PTPRN2: variants seen among roughly 807,000 people sequenced by gnomAD.
The protein encoded by PTPRN2 is protein tyrosine phosphatase receptor type N2.
Under a neutral mutation model 118.8 loss-of-function variants are expected in PTPRN2, and 74 were observed. That is an observed-to-expected ratio of 0.62 (90% CI 0.52 to 0.76). PTPRN2 has a LOEUF of 0.76. Ranked by LOEUF, PTPRN2 falls within the 30% of genes least tolerant of loss-of-function variation. The probability of loss-of-function intolerance (pLI) is 0.00; values close to 1 mark genes in which losing one functional copy is unlikely to be tolerated. For synonymous variants in PTPRN2, 641 were observed against 608.0 expected (o/e 1.05, Z -0.80); for missense variants, 1,481 against 1,394.4 (o/e 1.06, Z -0.99).
intron 3 of PTPRN2, among the ~76,000 whole-genome samples, chr7:158,244,788 TGTGA>T (rs1467432849): frequency 1.2e-4 from 18 of 151,346 alleles, no homozygotes; most frequent in East Asian, 3.9e-4. Context: ...GTGTGAGTTG[TGTGA>T]GTGTGAGTTG....
intron 1 of PTPRN2, among the ~76,000 whole-genome samples, chr7:158,518,964 G>A (rs1823775641): frequency 1.3e-5 from 2 of 152,114 alleles, no homozygotes; most frequent in Non-Finnish European, 2.9e-5. Flanking sequence ...CAGCCTGGGT[G>A]ACAAAGCAAA....
intron 11 of PTPRN2, among the ~76,000 whole-genome samples, chr7:157,940,036 G>T (rs986992772): frequency 1.3e-5 from 2 of 152,182 alleles, no homozygotes; most frequent in African/African-American, 4.8e-5. Context: ...GTGGAGGAAG[G>T]CGTCGCTGCA....
chr7:157,905,070 T>C (rs966624271), intron 11 of PTPRN2, among the ~76,000 whole-genome samples: 2 of 152,178 alleles, frequency 1.3e-5, no homozygotes, highest in Non-Finnish European at 2.9e-5. Flanking sequence ...TGACAGGTGC[T>C]GAGCTCTGAT....
chr7:158,315,700 G>T (rs535017782), intron 3 of PTPRN2, among the ~76,000 whole-genome samples: 3 of 152,218 alleles, frequency 2.0e-5, no homozygotes, highest in African/African-American at 7.2e-5. Context: ...TGGCTGGAGG[G>T]CCAGGGACTC....
chr7:157,614,014 A>C (rs1802580291), intron 15 of PTPRN2: 1 of 471,152 alleles, frequency 2.1e-6, no homozygotes, highest in African/African-American at 2.0e-5. Context: ...CTGGTGGAAG[A>C]CCACAAGCAA....
chr7:158,449,202 G>C (rs1369796164), intron 2 of PTPRN2, among the ~76,000 whole-genome samples: 2 of 152,206 alleles, frequency 1.3e-5, no homozygotes, highest in Non-Finnish European at 2.9e-5. Flanking sequence ...GTCATGCGTG[G>C]GGTAGGGATG....
intron 11 of PTPRN2, among the ~76,000 whole-genome samples, chr7:158,009,109 C>G (rs1209491703): frequency 6.6e-6 from 1 of 152,102 alleles, no homozygotes; most frequent in African/African-American, 2.4e-5. Context: ...GAACAGAGCC[C>G]CAGGAGGCCC....
rs1178784682 is a variant in PTPRN2 at position 157,813,564 on chromosome 7, C to T, written c.1788+85109G>A. On this transcript the variant is annotated intron_variant, in intron 12 of 22. Coordinates refer to ENST00000389418, the MANE Select transcript of PTPRN2 (RefSeq NM_002847.5). The surrounding 1 kb of genome is among the most constrained non-coding windows in gnomAD (Gnocchi z 4.7). ...TCGTATAAAAAAGAAAGTTCAAATG[C>T]GCAGAAGAAAGATCAGAGGACAAGA... is the stretch of plus-strand genomic sequence containing the variant. 1.3e-5 allele frequency among the ~76,000 whole-genome samples: 2 copies of T among 152,156 alleles called. No individual in the cohort carries two copies. The highest frequency in any genetic ancestry group is 2.4e-5 in the African/African-American group (1 of 41,406).
chr7:157,702,342 G>A (rs1338415392), intron 12 of PTPRN2, among the ~76,000 whole-genome samples: 2 of 151,772 alleles, frequency 1.3e-5, no homozygotes, highest in African/African-American at 4.8e-5. Flanking sequence ...AGCCCGGTCG[G>A]TGCTGGTGTA....
intron 3 of PTPRN2, among the ~76,000 whole-genome samples, chr7:158,280,028 C>T (rs1047339463): frequency 5.3e-5 from 8 of 151,578 alleles, no homozygotes; most frequent in South Asian, 2.1e-4. Context: ...CACAGAGCCC[C>T]GCGGCGGCCC....
chr7:157,770,969 T>C (rs916847968), intron 12 of PTPRN2, among the ~76,000 whole-genome samples: 2 of 152,046 alleles, frequency 1.3e-5, no homozygotes, highest in African/African-American at 4.8e-5. Flanking sequence ...GCTTGGCCGG[T>C]TGAGGCAGCA....
chr7:158,199,503 T>C (rs1463729700), intron 4 of PTPRN2, among the ~76,000 whole-genome samples: 1 of 152,210 alleles, frequency 6.6e-6, no homozygotes, highest in Non-Finnish European at 1.5e-5. Flanking sequence ...AAGACTTCAT[T>C]CTAATGTCGC....
At chr7:158,201,055 TG>T (rs199727757) in intron 4 of PTPRN2, among the ~76,000 whole-genome samples, 1 of 104,920 alleles carries the variant, frequency 9.5e-6, no homozygotes, top group African/African-American at 5.2e-5. Flanking sequence ...GAAAAAAAAG[TG>T]GTTTTTTTTT....
At chr7:158,446,504 G>C (rs140556528) in intron 2 of PTPRN2, among the ~76,000 whole-genome samples, 1 of 151,954 alleles carries the variant, frequency 6.6e-6, no homozygotes, top group East Asian at 2.0e-4. Context: ...AGACCCACCC[G>C]AGCCACAGCC....
Position 157,785,094 on chromosome 7 carries a change from T to C in PTPRN2, c.1789-102157A>G, listed in dbSNP as rs1388368633. Among the ~76,000 whole-genome samples, 3 of 151,446 alleles carry C rather than the reference T, an allele frequency of 2.0e-5. No homozygotes were observed. The highest frequency in any genetic ancestry group is 4.4e-5 in the Non-Finnish European group (3 of 67,856). ...TCGTCATAGGAGTTGAACAAAGCTGTGTGTGTGTTTCCAGAATGTTGGCAC... is the reference window on the plus strand; with the variant it reads ...TCGTCATAGGAGTTGAACAAAGCTGCGTGTGTGTTTCCAGAATGTTGGCAC... On this transcript the variant is annotated intron_variant, in intron 12 of 22. Coordinates refer to ENST00000389418, the MANE Select transcript of PTPRN2 (RefSeq NM_002847.5). This position sits in a 1 kb window ranked among gnomAD's most constrained non-coding sequence, Gnocchi z 7.3.
intron 12 of PTPRN2, among the ~76,000 whole-genome samples, chr7:157,741,616 C>T (rs1453265685): frequency 6.6e-6 from 1 of 152,208 alleles, no homozygotes; most frequent in African/African-American, 2.4e-5. Flanking sequence ...TCCACATGAC[C>T]CATGCACGAT....
At chr7:158,484,125 C>A (rs1820828667) in intron 2 of PTPRN2, among the ~76,000 whole-genome samples, 2 of 152,144 alleles carry the variant, frequency 1.3e-5, no homozygotes, top group Admixed American at 6.6e-5. Context: ...ACCTTGGCGA[C>A]AGAACAAGTG....
chr7:157,836,843 C>T (rs1214385467), intron 12 of PTPRN2, among the ~76,000 whole-genome samples: 1 of 152,034 alleles, frequency 6.6e-6, no homozygotes, highest in Non-Finnish European at 1.5e-5. Context: ...ACTGTGTGTC[C>T]ATTCATCCAT....
chr7:157,973,543 C>G (rs577971910), intron 11 of PTPRN2, among the ~76,000 whole-genome samples: 1 of 152,088 alleles, frequency 6.6e-6, no homozygotes, highest in African/African-American at 2.4e-5. Context: ...GTGCATAGAG[C>G]CAAACAAGCT....
Sources: allele counts gnomAD v4.1 joint callset (sites outside exome capture counted in the v4.1 genomes callset), GRCh38; gene constraint gnomAD v4.1.1; non-coding constraint Gnocchi (gnomAD v3.1); transcripts MANE v1.5; gene names NCBI Gene and HGNC (gene_info 2026-07-23, HGNC 2026-07-21).